The following THBS1 variants were observed in gnomAD, a reference collection of about 807,000 sequenced individuals.
THBS1 encodes thrombospondin-1.
THBS1 carries 29 observed loss-of-function variants against 126.1 expected under a neutral mutation model. The observed-to-expected ratio is 0.23, with a 90% CI of 0.17 to 0.31. The LOEUF (loss-of-function observed/expected upper bound fraction) is 0.31. Ranked by LOEUF, THBS1 falls within the 10% of genes least tolerant of loss-of-function variation. The pLI is 1.00. For synonymous variants in THBS1, 496 were observed against 577.8 expected (o/e 0.86, Z 2.03); for missense variants, 1,198 against 1,545.2 (o/e 0.78, Z 3.77).
rs1890273773 is a variant in THBS1, at chr15:39,589,142, C to G, written c.1773+56C>G. On this transcript the variant is annotated intron_variant, in intron 11 of 21. Coordinates refer to ENST00000260356, the MANE Select transcript of THBS1 (RefSeq NM_003246.4). This position sits in a 1 kb window ranked among gnomAD's most constrained non-coding sequence, Gnocchi z 4.7. Reference sequence around the variant, plus strand: ...GATCTAGGAAAGCAGCTAACCTGTGCAGTCGCTTCCTTATGGCAGTGACTT... The same window carrying G: ...GATCTAGGAAAGCAGCTAACCTGTGGAGTCGCTTCCTTATGGCAGTGACTT... 6.2e-7 allele frequency: 1 copy of G among 1,612,700 alleles called. No individual in the cohort carries two copies. Among genetic ancestry groups the G allele is most frequent in the Non-Finnish European group, 8.5e-7 (1 of 1,178,852 alleles).
chr15:39,587,962 TTC>T, intron 8 of THBS1, 78 bp from the exon 9 acceptor site: 1 of 1,414,520 alleles, frequency 7.1e-7, no homozygotes, highest in Non-Finnish European at 9.7e-7. Context: ...CTGGAAATAC[TTC>T]TGCGTGCTCC....
intron 6 of THBS1, 27 bp downstream of exon 6, chr15:39,584,449 A>G: frequency 6.2e-7 from 1 of 1,612,718 alleles, no homozygotes; most frequent in East Asian, 2.2e-5. Flanking sequence ...AGCCAGAATA[A>G]GAATCGACGG....
At chr15:39,582,060 G>A in intron 2 of THBS1, 133 bp from the exon 3 acceptor site, 1 of 1,330,186 alleles carries the variant, frequency 7.5e-7, no homozygotes, top group Non-Finnish European at 1.0e-6. Flanking sequence ...CTCTGATCCT[G>A]GTATTTATTC....
At position 39,594,182 on chromosome 15, in the gene THBS1, G is replaced by A. The variant is rs112165137; in HGVS notation, c.3351G>A (p.Lys1117=). The A allele has an allele frequency of 5.5e-4, 892 of 1,614,194 alleles. 7 individuals carry two copies. The African/African-American group carries it at 7.6e-3, about 14-fold the overall frequency. ...AYRWRLSHRP[K]TGFIRVVMYE... ...GATGGCGTCTCAGCCACAGGCCAAA[G>A]ACGGGTTTCATTAGGTACGATCATA... The change falls in exon 20 of 22, where the codon AAG becomes AAA. Residue 1117 remains lysine, a synonymous_variant. Transcript: ENST00000260356. This position sits in a 1 kb window ranked among gnomAD's most constrained non-coding sequence, Gnocchi z 4.4.
chr15:39,581,826 C>T lies in THBS1; in HGVS notation c.-29-3C>T. On this transcript the variant is annotated splice_polypyrimidine_tract_variant and splice_region_variant and intron_variant, in intron 1 of 21. Transcript: ENST00000260356. ...CCCTCGGCTCTTGTGCTTCCTGCTA[C>T]AGGATCCCTGCTGGGCACCAACAGC... 6.2e-7 allele frequency: 1 copy of T among 1,605,404 alleles called. No homozygotes were observed. Among genetic ancestry groups the T allele is most frequent in the Non-Finnish European group, 8.5e-7 (1 of 1,172,472 alleles).
intron 7 of THBS1, 136 bp from the exon 8 acceptor site, chr15:39,587,211 A>T: frequency 2.7e-6 from 2 of 737,424 alleles, no homozygotes; most frequent in South Asian, 2.4e-5. Context: ...TTTGTCAATT[A>T]TACCTCAGTA....
intron 7 of THBS1, 122 bp from the exon 8 acceptor site, chr15:39,587,205 TCAATTATACCTCAGTAAAGC>T (rs1353936562): frequency 2.9e-6 from 2 of 693,074 alleles, no homozygotes; most frequent in African/African-American, 3.5e-5. Flanking sequence ...ATAATATTTG[TCAATTATACCTCAGTAAAGC>T]CAAAAAGAAA....
At position 39,585,568 on chromosome 15, in the gene THBS1, G is replaced by A; in HGVS notation, c.1120+5G>A. Reference sequence around the variant, plus strand: ...AATGCTGTCCTCGCTGTTGGCGTAAGTTTCTCAAATGGCATAGCTATTCTT... The same window carrying A: ...AATGCTGTCCTCGCTGTTGGCGTAAATTTCTCAAATGGCATAGCTATTCTT... On this transcript the variant is annotated splice_donor_5th_base_variant and intron_variant, in intron 7 of 21. Coordinates refer to ENST00000260356, the MANE Select transcript of THBS1 (RefSeq NM_003246.4). 1 of 1,613,508 alleles carries A rather than the reference G, an allele frequency of 6.2e-7. No homozygotes were observed. Among genetic ancestry groups the A allele is most frequent in the Non-Finnish European group, 8.5e-7 (1 of 1,179,832 alleles).
rs1400394669 is a variant in THBS1 at position 39,589,368 on chromosome 15, G to A, written c.1926+14G>A. On this transcript the variant is annotated intron_variant, in intron 12 of 21. Coordinates refer to ENST00000260356, the MANE Select transcript of THBS1 (RefSeq NM_003246.4). The surrounding 1 kb of genome is among the most constrained non-coding windows in gnomAD (Gnocchi z 4.7). ...GCCAACAAACAGGTACAGTCAACTA[G>A]ACGAGTAAACCAGAGGACAGGAGAG... 1 of 1,613,620 alleles carries A rather than the reference G, an allele frequency of 6.2e-7. No homozygotes were observed. The highest frequency in any genetic ancestry group is 1.1e-5 in the South Asian group (1 of 91,034).
rs1402419490 is a variant in THBS1 at position 39,587,482 on chromosome 15, A to C, written c.1256A>C (p.Gln419Pro). Reference sequence around the variant, plus strand: ...AACCGATGTGAGGGCTCCTCGGTCCAGACACGGACCTGCCACATTCAGGAG... The same window carrying C: ...AACCGATGTGAGGGCTCCTCGGTCCCGACACGGACCTGCCACATTCAGGAG... ...LNNRCEGSSV[Q>P]TRTCHIQECD... Residue 419 changes from glutamine (Q) to proline (P), a missense_variant, in exon 8 of 22, where the codon CAG (glutamine) becomes CCG (proline). Gln to Pro is a moderately conservative substitution (Grantham distance 76). This residue lies in a region of THBS1 where 663 missense variants were observed against 860.1 expected (regional missense o/e 0.77). Coordinates refer to ENST00000260356, the MANE Select transcript of THBS1 (RefSeq NM_003246.4). 6.2e-7 allele frequency: 1 copy of C among 1,613,444 alleles called. No homozygotes were observed. The highest frequency in any genetic ancestry group is 8.5e-7 in the Non-Finnish European group (1 of 1,179,854).
intron 16 of THBS1, 79 bp downstream of exon 16, chr15:39,591,702 A>ATT: frequency 7.6e-7 from 1 of 1,315,566 alleles, no homozygotes; most frequent in Non-Finnish European, 1.1e-6. Context: ...AAATGAGCTT[A>ATT]ACAAAGTTCA....
intron 3 of THBS1, 49 bp from the exon 4 acceptor site, chr15:39,583,568 C>CAAA: frequency 1.5e-6 from 1 of 671,304 alleles, no homozygotes; most frequent in Non-Finnish European, 2.7e-6. Flanking sequence ...CCAACCCCAT[C>CAAA]CCCACCCCGC....
rs149103241 is a variant in THBS1, at chr15:39,582,426, C to T, written c.301C>T (p.Arg101Trp). The change falls in exon 3 of 22, where the codon CGG (arginine) becomes TGG (tryptophan). Residue 101 changes from arginine to tryptophan, a missense_variant. Transcript: ENST00000260356. ...ATCCCTGAGGCAGATGAAGAAGACC[C>T]GGGGCACGCTGCTGGCCCTGGAGCG... ...LASLRQMKKT[R>W]GTLLALERKD... 1.2e-6 allele frequency: 2 copies of T among 1,614,052 alleles called. No homozygotes were observed. Among genetic ancestry groups the T allele is most frequent in the Non-Finnish European group, 8.5e-7 (1 of 1,179,966 alleles).
rs376244168 is a variant in THBS1 at position 39,585,450 on chromosome 15, C to T, written c.1027-20C>T. On this transcript the variant is annotated intron_variant, in intron 6 of 21. Transcript: ENST00000260356. Reference sequence around the variant, plus strand: ...AACATGCTCAGCAGCCTGTTCCCCTCTCACTCTCTTGCCCTGCAGAACTCA... The same window carrying T: ...AACATGCTCAGCAGCCTGTTCCCCTTTCACTCTCTTGCCCTGCAGAACTCA... 15 of 1,611,390 alleles carry T rather than the reference C, an allele frequency of 9.3e-6. No homozygotes were observed. Among genetic ancestry groups the T allele is most frequent in the Non-Finnish European group, 1.0e-5 (12 of 1,177,716 alleles).
chr15:39,597,281 T>TTTTG lies in THBS1; in HGVS notation c.*1915_*1916insGTTT, dbSNP rs1890482587. The TTTTG allele has an allele frequency of 9.0e-6, 1 of 111,224 alleles. No homozygotes were observed. Among genetic ancestry groups the TTTTG allele is most frequent in the South Asian group, 3.1e-4 (1 of 3,178 alleles). The allele number at this position is 111,224 out of a possible 1,614,324, so 6.9% of individuals were successfully genotyped here. A position where few individuals can be genotyped will look rare whatever the true frequency, so the allele number is the denominator to read the frequency against. On this transcript the variant is annotated 3_prime_UTR_variant, in exon 22 of 22. Transcript: ENST00000260356. Reference sequence around the variant, plus strand: ...TTGGTTTTTTCTTTTTTTTGTTTTGTTTTTTTTTTTTTTTTTTTTTGCTTT... The same window carrying TTTTG: ...TTGGTTTTTTCTTTTTTTTGTTTTGTTTTGTTTTTTTTTTTTTTTTTTTTGCTTT...
In THBS1 at chr15:39,594,494, A is replaced by G; in HGVS notation, c.3505+54A>G. ...CTGGACATCTCTATTTCAGACTAATATCAAGGATGACGGTTATGGGGGAGT... is the reference window on the plus strand; with the variant it reads ...CTGGACATCTCTATTTCAGACTAATGTCAAGGATGACGGTTATGGGGGAGT... On this transcript the variant is annotated intron_variant, in intron 21 of 21. Transcript: ENST00000260356. This position sits in a 1 kb window ranked among gnomAD's most constrained non-coding sequence, Gnocchi z 4.4. 1 of 1,593,744 alleles carries G rather than the reference A, an allele frequency of 6.3e-7. No homozygotes were observed. The highest frequency in any genetic ancestry group is 8.5e-7 in the Non-Finnish European group (1 of 1,171,032).
rs879801079 is a variant in THBS1, at chr15:39,597,275, G to GTTTTTTTTTTTTTTTTT, written c.*1910_*1911insTTTTTTTTTTTTTTTTT. 4.2e-3 allele frequency: 221 copies of GTTTTTTTTTTTTTTTTT among 52,508 alleles called. No individual in the cohort carries two copies. Among genetic ancestry groups the GTTTTTTTTTTTTTTTTT allele is most frequent in the Non-Finnish European group, 6.0e-3 (148 of 24,712 alleles). The allele number at this position is 52,508 out of a possible 1,614,324, so 3.3% of individuals were successfully genotyped here. ...GAATTGTTGGTTTTTTCTTTTTTTT[G>GTTTTTTTTTTTTTTTTT]TTTTGTTTTTTTTTTTTTTTTTTTT... On this transcript the variant is annotated 3_prime_UTR_variant, in exon 22 of 22. Coordinates refer to ENST00000260356, the MANE Select transcript of THBS1 (RefSeq NM_003246.4).
intron 15 of THBS1, 72 bp downstream of exon 15, chr15:39,591,422 T>G: frequency 1.2e-6 from 2 of 1,603,550 alleles, no homozygotes; most frequent in Non-Finnish European, 8.5e-7. Flanking sequence ...TACTTCTGTC[T>G]AGTCCTGGCT....
At position 39,591,595 on chromosome 15, in the gene THBS1, A is replaced by G. The variant is rs746501253; in HGVS notation, c.2504A>G (p.Asn835Ser). 120 of 1,614,076 alleles carry G rather than the reference A, an allele frequency of 7.4e-5. No homozygotes were observed. The highest frequency in any genetic ancestry group is 1.0e-4 in the Non-Finnish European group (118 of 1,180,034). Residue 835 changes from asparagine (N) to serine (S), a missense_variant, in exon 16 of 22, where the codon AAT becomes AGT. Asn to Ser is a conservative substitution (Grantham distance 46, BLOSUM62 1). Coordinates refer to ENST00000260356, the MANE Select transcript of THBS1 (RefSeq NM_003246.4). The stretch of plus-strand genomic sequence containing the variant: ...GATGGGGTTGGAGATCAGTGTGACA[A>G]TTGCCCCTTGGAACACAATCCGGAT... Reference protein sequence around the residue: ...DMDGVGDQCDNCPLEHNPDQL... With the variant: ...DMDGVGDQCDSCPLEHNPDQL...
Sources: allele counts gnomAD v4.1 joint callset, GRCh38; gene constraint gnomAD v4.1.1; regional missense constraint gnomAD v4.1.1; non-coding constraint Gnocchi (gnomAD v3.1); transcripts MANE v1.5; gene names NCBI Gene and HGNC (gene_info 2026-07-23, HGNC 2026-07-21).